Variants in KIF26B observed in about 807,000 individuals in gnomAD.
The protein encoded by KIF26B is kinesin family member 26B.
In KIF26B, 63 loss-of-function variants were observed where a neutral mutation model predicts 151.2. The ratio of observed to expected loss-of-function variants is 0.42; its 90% CI spans 0.34 to 0.51. The LOEUF (loss-of-function observed/expected upper bound fraction) is 0.51. Among genes scored for constraint, KIF26B ranks in the 20% least tolerant of loss-of-function variants. KIF26B has a pLI of 0.07. For missense variants in KIF26B, 2,813 were observed against 2,913.6 expected, an observed-to-expected ratio of 0.97 and a Z score of 0.79; for synonymous variants, 1,357 against 1,262.1, an observed-to-expected ratio of 1.08 and a Z score of -1.59.
At position 245,156,368 on chromosome 1, in the gene KIF26B, C is replaced by T. The variant is rs1372554863; in HGVS notation, c.150C>T (p.Ala50=). Residue 50 remains alanine (A), a synonymous_variant, in exon 2 of 15, where the codon GCC becomes GCT. Transcript: ENST00000407071. ...WYRKAYEESR[A]GSRPTPEGAG... is the part of the protein sequence containing the mutation. Reference sequence around the variant, plus strand: ...GGAAAGCATACGAGGAGTCGCGCGCCGGCAGCCGGCCCACTCCTGAGGGCG... The same window carrying T: ...GGAAAGCATACGAGGAGTCGCGCGCTGGCAGCCGGCCCACTCCTGAGGGCG... 1 of 1,544,176 alleles carries T rather than the reference C, an allele frequency of 6.5e-7. No homozygotes were observed.
At chr1:245,268,562 G>A (rs1238541796) in intron 2 of KIF26B, among the ~76,000 whole-genome samples, 8 of 150,676 alleles carry the variant, frequency 5.3e-5, no homozygotes, top group Admixed American at 2.0e-4. Flanking sequence ...TGTGAGGGAA[G>A]TTAGCAGCAT....
intron 2 of KIF26B, among the ~76,000 whole-genome samples, chr1:245,280,470 G>A (rs1671021310): frequency 7.0e-6 from 1 of 142,984 alleles, no homozygotes; most frequent in South Asian, 2.2e-4. Flanking sequence ...GACAGAGCTT[G>A]CAGTAAGCCG....
intron 4 of KIF26B, among the ~76,000 whole-genome samples, chr1:245,521,851 C>A (rs1013015474): frequency 1.1e-4 from 16 of 151,878 alleles, no homozygotes; most frequent in African/African-American, 3.6e-4. Context: ...TGCTTTTGTA[C>A]CCTTTTGGTC....
chr1:245,383,365 C>T (rs763663059), intron 3 of KIF26B, among the ~76,000 whole-genome samples: 7 of 152,188 alleles, frequency 4.6e-5, no homozygotes, highest in Non-Finnish European at 7.3e-5. Flanking sequence ...TAGCAGTAAT[C>T]TCATGATGAA....
chr1:245,300,496 T>C (rs1573761193), intron 2 of KIF26B, among the ~76,000 whole-genome samples: 2 of 152,254 alleles, frequency 1.3e-5, no homozygotes. Flanking sequence ...CATCCCTTCA[T>C]TGATAGAGGC....
chr1:245,316,763 C>T (rs1343561624), intron 2 of KIF26B, among the ~76,000 whole-genome samples: 2 of 150,216 alleles, frequency 1.3e-5, no homozygotes, highest in African/African-American at 5.0e-5. Context: ...ACAATTGCTA[C>T]ATTTTATAGA....
Position 245,326,168 on chromosome 1 carries a change from C to T in KIF26B, c.466-40666C>T, listed in dbSNP as rs144100073. 3.5e-4 allele frequency among the ~76,000 whole-genome samples: 54 copies of T among 152,256 alleles called. No individual in the cohort carries two copies. The East Asian group carries it at 8.9e-3, about 25-fold the overall frequency. On this transcript the variant is annotated intron_variant, in intron 2 of 14. Coordinates refer to ENST00000407071, the MANE Select transcript of KIF26B (RefSeq NM_018012.4). ...GTTCTTCACAGCGCACACTGAGCAC[C>T]GTTGCAGTCAATCTAACTGATGTTT...
intron 2 of KIF26B, among the ~76,000 whole-genome samples, chr1:245,179,923 C>G (rs973014200): frequency 2.3e-4 from 35 of 152,118 alleles, no homozygotes; most frequent in African/African-American, 7.2e-4. Context: ...ATGGCCTGTG[C>G]GGGCCTGGGT....
At chr1:245,287,923 A>C (rs1671194620) in intron 2 of KIF26B, among the ~76,000 whole-genome samples, 1 of 151,412 alleles carries the variant, frequency 6.6e-6, no homozygotes, top group African/African-American at 2.4e-5. Flanking sequence ...TTTTCCCACC[A>C]TCTTCTGGGT....
chr1:245,700,986 C>CTGTT (rs1385503364), intron 14 of KIF26B, among the ~76,000 whole-genome samples: 5 of 152,212 alleles, frequency 3.3e-5, no homozygotes, highest in Non-Finnish European at 4.4e-5. Context: ...TTTTCAAGAA[C>CTGTT]TGTTTATGCC....
At chr1:245,612,328 G>A (rs1046722076) in intron 9 of KIF26B, among the ~76,000 whole-genome samples, 1 of 152,038 alleles carries the variant, frequency 6.6e-6, no homozygotes, top group African/African-American at 2.4e-5. Context: ...GCCCAGGCTG[G>A]TCTAGAACTC....
chr1:245,557,189 T>C lies in KIF26B; in HGVS notation c.1350+16239T>C, dbSNP rs146719916. ...AAAATATTGTAGAATTCTAGAACTT[T>C]CCAAATAAGTTGGATAATATCAGCA... On this transcript the variant is annotated intron_variant, in intron 5 of 14. Transcript: ENST00000407071. 2.0e-5 allele frequency among the ~76,000 whole-genome samples: 3 copies of C among 152,338 alleles called. No homozygotes were observed. The East Asian group carries it at 5.8e-4, about 29-fold the overall frequency.
chr1:245,613,991 A>G (rs1486254710), intron 9 of KIF26B, among the ~76,000 whole-genome samples: 3 of 151,958 alleles, frequency 2.0e-5, no homozygotes, highest in African/African-American at 2.4e-5. Context: ...CACGGATCTG[A>G]TTGTTGTCCT....
At chr1:245,505,981 T>C (rs924903541) in intron 4 of KIF26B, among the ~76,000 whole-genome samples, 1 of 152,204 alleles carries the variant, frequency 6.6e-6, no homozygotes, top group African/African-American at 2.4e-5. Context: ...GTATGATTCG[T>C]TTAGAGTTTT....
At chr1:245,303,712 C>A (rs947154769) in intron 2 of KIF26B, among the ~76,000 whole-genome samples, 1 of 152,200 alleles carries the variant, frequency 6.6e-6, no homozygotes, top group Non-Finnish European at 1.5e-5. Flanking sequence ...CCCCCAAAAT[C>A]AAAACTAAAA....
intron 4 of KIF26B, among the ~76,000 whole-genome samples, chr1:245,471,123 G>GTATA (rs200717016): frequency 3.2e-4 from 44 of 139,668 alleles, no homozygotes; most frequent in African/African-American, 9.6e-4. Flanking sequence ...GTATGTGTGT[G>GTATA]TGTGTGTGTA....
chr1:245,521,366 G>A (rs891732152), intron 4 of KIF26B, among the ~76,000 whole-genome samples: 2 of 149,620 alleles, frequency 1.3e-5, no homozygotes, highest in African/African-American at 4.9e-5. Flanking sequence ...GCAATAAACA[G>A]AATCTCATGC....
intron 5 of KIF26B, among the ~76,000 whole-genome samples, chr1:245,575,719 A>G (rs1245607384): frequency 6.6e-6 from 1 of 152,156 alleles, no homozygotes; most frequent in Non-Finnish European, 1.5e-5. Context: ...TTTAAAATCC[A>G]CAATATTATT....
intron 3 of KIF26B, among the ~76,000 whole-genome samples, chr1:245,379,765 G>C (rs1673361101): frequency 6.6e-6 from 1 of 152,020 alleles, no homozygotes; most frequent in Non-Finnish European, 1.5e-5. Context: ...GAGGTCAGGA[G>C]TTCAAGACCA....
Sources: allele counts gnomAD v4.1 joint callset (sites outside exome capture counted in the v4.1 genomes callset), GRCh38; gene constraint gnomAD v4.1.1; transcripts MANE v1.5; gene names NCBI Gene and HGNC (gene_info 2026-07-23, HGNC 2026-07-21).